The following RAD54B variants were observed in gnomAD, a reference collection of about 807,000 sequenced individuals.
RAD54B encodes the protein DNA repair and recombination protein RAD54B.
Under a neutral mutation model 95.8 loss-of-function variants are expected in RAD54B, and 78 were observed. The ratio of observed to expected loss-of-function variants is 0.81; its 90% CI spans 0.68 to 0.98. RAD54B has a LOEUF of 0.98. Among genes scored for constraint, RAD54B ranks in the 50% least tolerant of loss-of-function variants. The probability of loss-of-function intolerance (pLI) is 0.00; values close to 1 mark genes in which losing one functional copy is unlikely to be tolerated. For missense variants in RAD54B, 957 were observed against 1,056.6 expected (o/e 0.91, Z 1.31); for synonymous variants, 328 against 354.9 (o/e 0.92, Z 0.85).
At position 94,432,457 on chromosome 8, in the gene RAD54B, A is replaced by C. The variant is rs1166025786; in HGVS notation, c.305-21142T>G. ...TCAACAGAGGAAAGTGAAGGCGACAAGGATCTTTCCATAACATGTACTAAT... is the reference window on the plus strand; with the variant it reads ...TCAACAGAGGAAAGTGAAGGCGACACGGATCTTTCCATAACATGTACTAAT... On this transcript the variant is annotated intron_variant, in intron 3 of 14. Transcript: ENST00000336148. 1.9e-6 allele frequency: 3 copies of C among 1,550,392 alleles called. No individual in the cohort carries two copies. The African/African-American group carries it at 4.1e-5, about 21-fold the overall frequency.
At chr8:94,409,354 T>C (rs1292436352) in intron 4 of RAD54B, among the ~76,000 whole-genome samples, 4 of 151,658 alleles carry the variant, frequency 2.6e-5, no homozygotes, top group Non-Finnish European at 5.9e-5. Context: ...AGTCTGGGCA[T>C]CGGCATTTCT....
chr8:94,393,758 T>G lies in RAD54B; in HGVS notation c.1503A>C (p.Glu501Asp). The change falls in exon 9 of 15, where the codon GAA becomes GAC. Residue 501 changes from glutamate to aspartate, a missense_variant. By Grantham distance (45) the Glu-to-Asp change is conservative (BLOSUM62 2). Transcript: ENST00000336148. ...IYEEPIILSR[E>D]PSASEEEKEL... ...TAAATTATACCTCAGAAGCAGAAGG[T>G]TCTCTCGATAAAATGATGGGTTCTT... 1 of 1,580,660 alleles carries G rather than the reference T, an allele frequency of 6.3e-7. No individual in the cohort carries two copies. Among genetic ancestry groups the G allele is most frequent in the Non-Finnish European group, 8.7e-7 (1 of 1,152,310 alleles).
At chr8:94,405,295 T>C (rs1316399009) in intron 5 of RAD54B, among the ~76,000 whole-genome samples, 1 of 152,100 alleles carries the variant, frequency 6.6e-6, no homozygotes, top group Non-Finnish European at 1.5e-5. Flanking sequence ...ACCAAAATTA[T>C]TTTGGGGATA....
chr8:94,396,355 T>G (rs997940820), intron 8 of RAD54B, among the ~76,000 whole-genome samples: 2 of 151,638 alleles, frequency 1.3e-5, no homozygotes, highest in Admixed American at 1.3e-4. Context: ...ATGAAAGGAC[T>G]CTTTCTTTTC....
chr8:94,441,531 T>C (rs1448117490), intron 3 of RAD54B, among the ~76,000 whole-genome samples: 2 of 152,110 alleles, frequency 1.3e-5, no homozygotes, highest in African/African-American at 4.8e-5. Flanking sequence ...GGACACAAAG[T>C]TTCCATGCCC....
At chr8:94,439,125 A>G (rs771852207) in intron 3 of RAD54B, among the ~76,000 whole-genome samples, 2 of 152,180 alleles carry the variant, frequency 1.3e-5, no homozygotes, top group Non-Finnish European at 2.9e-5. Context: ...CCAAGAGTGG[A>G]AAAGGATAGA....
intron 5 of RAD54B, among the ~76,000 whole-genome samples, chr8:94,405,522 T>A (rs1811366523): frequency 6.6e-6 from 1 of 152,216 alleles, no homozygotes; most frequent in Non-Finnish European, 1.5e-5. Context: ...TTCCTAGGTT[T>A]CTGAGTAACT....
intron 3 of RAD54B, among the ~76,000 whole-genome samples, chr8:94,442,395 AC>A (rs1323567596): frequency 6.6e-6 from 1 of 152,202 alleles, no homozygotes; most frequent in African/African-American, 2.4e-5. Flanking sequence ...ACATGGTGAA[AC>A]CCCGTCTCTA....
At chr8:94,412,408 T>C (rs1811551790) in intron 3 of RAD54B, among the ~76,000 whole-genome samples, 1 of 151,490 alleles carries the variant, frequency 6.6e-6, no homozygotes, top group South Asian at 2.1e-4. Flanking sequence ...GAAGTGAAAG[T>C]GTTGGATCAT....
rs965254253 is a variant in RAD54B, at chr8:94,428,123, G to A, written c.305-16808C>T. On this transcript the variant is annotated intron_variant, in intron 3 of 14. Transcript: ENST00000336148. The stretch of plus-strand genomic sequence containing the variant: ...ATATCCATTACATTCATATGGATAA[G>A]AGAAAGATAGGAAAGTGGCTATCCA... 4 of 907,310 alleles carry A rather than the reference G, an allele frequency of 4.4e-6. No individual in the cohort carries two copies. The African/African-American group carries it at 7.2e-5, about 16-fold the overall frequency. The allele number at this position is 907,310 out of a possible 1,614,324, so 56.2% of individuals were successfully genotyped here.
intron 3 of RAD54B, among the ~76,000 whole-genome samples, chr8:94,422,752 T>TTA (rs369490267): frequency 0.052 from 6,494 of 125,262 alleles, 186 homozygotes; most frequent in East Asian, 0.095. Flanking sequence ...CCACAAAAAA[T>TTA]TATATATATA....
chr8:94,442,312 G>T (rs112701306), intron 3 of RAD54B, among the ~76,000 whole-genome samples: 1 of 151,920 alleles, frequency 6.6e-6, no homozygotes, highest in South Asian at 2.1e-4. Context: ...GGTGGCTCAC[G>T]CCTGTAATCC....
At chr8:94,432,904 AAAT>A (rs1166180290) in intron 3 of RAD54B, among the ~76,000 whole-genome samples, 4 of 152,138 alleles carry the variant, frequency 2.6e-5, no homozygotes, top group African/African-American at 9.7e-5. Context: ...AGGAAATTAC[AAAT>A]ATTATAGAAG....
intron 11 of RAD54B, among the ~76,000 whole-genome samples, chr8:94,381,944 T>TA (rs1238961818): frequency 6.6e-6 from 1 of 152,002 alleles, no homozygotes; most frequent in Non-Finnish European, 1.5e-5. Context: ...AAACCCCGTC[T>TA]CTACTAAAAA....
intron 3 of RAD54B, among the ~76,000 whole-genome samples, chr8:94,418,288 T>C (rs898802389): frequency 6.6e-6 from 1 of 152,132 alleles, no homozygotes; most frequent in African/African-American, 2.4e-5. Context: ...AGAAATGAAA[T>C]TACCAGTCCA....
At chr8:94,468,761 G>A (rs1200721521) in intron 1 of RAD54B, among the ~76,000 whole-genome samples, 2 of 151,918 alleles carry the variant, frequency 1.3e-5, no homozygotes, top group East Asian at 1.9e-4. Context: ...CCCGGGAGGC[G>A]GAGCTTGCAG....
intron 3 of RAD54B, among the ~76,000 whole-genome samples, chr8:94,418,361 TA>T (rs768652216): frequency 6.6e-6 from 1 of 152,220 alleles, no homozygotes; most frequent in Non-Finnish European, 1.5e-5. Flanking sequence ...CGAAAGGTTG[TA>T]TCAATGATAT....
At chr8:94,411,379 T>C (rs1811527653) in intron 3 of RAD54B, 64 bp from the exon 4 acceptor site, 1 of 1,328,732 alleles carries the variant, frequency 7.5e-7, no homozygotes, top group Non-Finnish European at 1.0e-6. Context: ...GTAAGGTCAT[T>C]CAAACAAAAC....
intron 3 of RAD54B, among the ~76,000 whole-genome samples, chr8:94,448,128 A>C (rs1209611430): frequency 6.6e-6 from 1 of 152,202 alleles, no homozygotes; most frequent in African/African-American, 2.4e-5. Flanking sequence ...GAGGATTCAA[A>C]TGAAAGACAA....
Sources: allele counts gnomAD v4.1 joint callset (sites outside exome capture counted in the v4.1 genomes callset), GRCh38; gene constraint gnomAD v4.1.1; transcripts MANE v1.5; gene names NCBI Gene and HGNC (gene_info 2026-07-23, HGNC 2026-07-21).